POU6F2: variants seen among roughly 807,000 people sequenced by gnomAD.
POU6F2 encodes the protein POU domain, class 6, transcription factor 2.
In POU6F2, 31 loss-of-function variants were observed where a neutral mutation model predicts 71.3. The ratio of observed to expected loss-of-function variants is 0.43; its 90% CI spans 0.33 to 0.59. The LOEUF (loss-of-function observed/expected upper bound fraction) is 0.59, where lower values mean the gene tolerates loss of function less well. Ranked by LOEUF, POU6F2 falls within the 20% of genes least tolerant of loss-of-function variation. The probability of loss-of-function intolerance (pLI) is 0.04; values close to 1 mark genes in which losing one functional copy is unlikely to be tolerated. For synonymous variants in POU6F2, 347 were observed against 355.7 expected, an observed-to-expected ratio of 0.98 and a Z score of 0.27; for missense variants, 783 against 856.8, an observed-to-expected ratio of 0.91 and a Z score of 1.07.
intron 5 of POU6F2, among the ~76,000 whole-genome samples, chr7:39,370,532 T>A (rs1388951312): frequency 6.6e-6 from 1 of 152,192 alleles, no homozygotes; most frequent in Non-Finnish European, 1.5e-5. Context: ...TCTGAATCAG[T>A]AGTAGTTATT....
intron 1 of POU6F2, among the ~76,000 whole-genome samples, chr7:39,017,180 A>AT (rs1336836822): frequency 2.0e-5 from 3 of 152,208 alleles, no homozygotes; most frequent in Non-Finnish European, 4.4e-5. Flanking sequence ...TGCTGTACTC[A>AT]ATAAATACAT....
At chr7:39,425,708 A>C (rs903143466) in intron 6 of POU6F2, among the ~76,000 whole-genome samples, 3 of 152,220 alleles carry the variant, frequency 2.0e-5, no homozygotes, top group African/African-American at 7.2e-5. Context: ...TTCTTAAATT[A>C]TCTCTTCTCT....
intron 2 of POU6F2, among the ~76,000 whole-genome samples, chr7:39,137,919 C>T (rs891077822): frequency 6.6e-6 from 1 of 152,120 alleles, no homozygotes; most frequent in Non-Finnish European, 1.5e-5. Context: ...TCCTATAAGC[C>T]TACAGTCCTG....
At chr7:39,450,803 A>G (rs1202714650) in intron 7 of POU6F2, among the ~76,000 whole-genome samples, 1 of 152,154 alleles carries the variant, frequency 6.6e-6, no homozygotes, top group Admixed American at 6.6e-5. Flanking sequence ...TCTGTGCCTC[A>G]GCTTCCCTGT....
At chr7:39,056,135 G>A (rs1022771723) in intron 1 of POU6F2, among the ~76,000 whole-genome samples, 1 of 151,892 alleles carries the variant, frequency 6.6e-6, no homozygotes, top group Non-Finnish European at 1.5e-5. Flanking sequence ...TATGAATACA[G>A]GGCTGTCATC....
chr7:39,089,388 A>G (rs372073955), intron 2 of POU6F2, among the ~76,000 whole-genome samples: 8 of 152,204 alleles, frequency 5.3e-5, no homozygotes, highest in African/African-American at 1.9e-4. Context: ...GGGGTGGGGG[A>G]TTATCAGAGA....
At chr7:38,978,328 T>G (rs1788231780) in intron 1 of POU6F2, among the ~76,000 whole-genome samples, 1 of 152,212 alleles carries the variant, frequency 6.6e-6, no homozygotes, top group Non-Finnish European at 1.5e-5. Context: ...GTCTGAATGT[T>G]TCTTAAAAAT....
intron 4 of POU6F2, among the ~76,000 whole-genome samples, chr7:39,255,353 G>A (rs970867748): frequency 6.6e-6 from 1 of 152,162 alleles, no homozygotes; most frequent in African/African-American, 2.4e-5. Context: ...AAGTATTCCT[G>A]CCCAGAGTAG....
At chr7:39,401,294 A>G (rs7789243) in intron 5 of POU6F2, among the ~76,000 whole-genome samples, 19,863 of 152,150 alleles carry the variant, frequency 0.13, 1,713 homozygotes, top group African/African-American at 0.25. Context: ...TCAGCATCTA[A>G]CACATTGCCA....
intron 4 of POU6F2, among the ~76,000 whole-genome samples, chr7:39,315,018 T>TA (rs1388826859): frequency 1.3e-5 from 2 of 152,222 alleles, no homozygotes; most frequent in East Asian, 1.9e-4. Context: ...ACTGCACTGT[T>TA]ACACGTAACA....
intron 6 of POU6F2, among the ~76,000 whole-genome samples, chr7:39,411,814 T>C (rs571055350): frequency 1.5e-4 from 23 of 152,280 alleles, no homozygotes; most frequent in African/African-American, 5.3e-4. Flanking sequence ...AAACCATTGA[T>C]TGCCACTCAA....
intron 5 of POU6F2, 145 bp downstream of exon 5, chr7:39,340,160 GGAA>G: frequency 1.7e-6 from 2 of 1,200,676 alleles, no homozygotes; most frequent in South Asian, 2.1e-5. Context: ...TTAGACATAG[GGAA>G]GAAGAAGCAA....
At chr7:39,051,276 G>C (rs1212834177) in intron 1 of POU6F2, among the ~76,000 whole-genome samples, 2 of 152,162 alleles carry the variant, frequency 1.3e-5, no homozygotes, top group African/African-American at 4.8e-5. Context: ...ATCCACAAGA[G>C]TGGCATCACT....
chr7:39,028,041 A>T (rs1789854238), intron 1 of POU6F2, among the ~76,000 whole-genome samples: 3 of 152,168 alleles, frequency 2.0e-5, no homozygotes, highest in Admixed American at 2.0e-4. Context: ...AAACTAAGTA[A>T]TGTAAAATTG....
intron 4 of POU6F2, among the ~76,000 whole-genome samples, chr7:39,306,055 G>A (rs1785042100): frequency 2.0e-5 from 3 of 151,528 alleles, no homozygotes; most frequent in Admixed American, 6.6e-5. Context: ...CATTCCATTT[G>A]CAAATTTAGT....
chr7:39,292,770 G>A (rs575953782), intron 4 of POU6F2, among the ~76,000 whole-genome samples: 1 of 152,198 alleles, frequency 6.6e-6, no homozygotes, highest in Non-Finnish European at 1.5e-5. Context: ...TCATAGAAGC[G>A]GAATGCAATT....
intron 1 of POU6F2, among the ~76,000 whole-genome samples, chr7:39,075,433 A>G (rs117830281): frequency 5.4e-4 from 82 of 152,282 alleles, no homozygotes; most frequent in Middle Eastern, 3.4e-3. Context: ...ATTTATGGAA[A>G]TCTGAAACCA....
chr7:39,266,288 C>T (rs377474259), intron 4 of POU6F2, among the ~76,000 whole-genome samples: 3 of 152,182 alleles, frequency 2.0e-5, no homozygotes, highest in Non-Finnish European at 4.4e-5. Context: ...ATCAGATACA[C>T]GTCTGCATTG....
intron 2 of POU6F2, among the ~76,000 whole-genome samples, chr7:39,092,422 T>G (rs1241524100): frequency 6.6e-6 from 1 of 152,310 alleles, no homozygotes; most frequent in East Asian, 1.9e-4. Context: ...TAAATGTTTA[T>G]CTTTTTAAAT....
Sources: gnomAD v4.1 joint callset for allele counts (sites outside exome capture counted in the v4.1 genomes callset) on GRCh38, gnomAD v4.1.1 for gene constraint, MANE v1.5 for transcripts, NCBI Gene and HGNC (gene_info 2026-07-23, HGNC 2026-07-21) for gene names.